Variants in ATG14 observed in about 807,000 individuals in gnomAD.
ATG14 encodes the protein beclin 1-associated autophagy-related key regulator.
ATG14 carries 35 observed loss-of-function variants against 60.4 expected under a neutral mutation model. That is an observed-to-expected ratio of 0.58 (90% CI 0.44 to 0.77). The LOEUF (loss-of-function observed/expected upper bound fraction) is 0.77, where lower values mean the gene tolerates loss of function less well. ATG14 is among the 30% of genes least tolerant of loss of function. The pLI, the probability that ATG14 is intolerant of heterozygous loss-of-function variation, is 0.00. For synonymous variants in ATG14, 234 were observed against 228.8 expected, an observed-to-expected ratio of 1.02 and a Z score of -0.21; for missense variants, 647 against 626.3, an observed-to-expected ratio of 1.03 and a Z score of -0.35.
chr14:55,401,924 C>T (rs531049189), intron 1 of ATG14, among the ~76,000 whole-genome samples: 55 of 152,298 alleles, frequency 3.6e-4, no homozygotes, highest in African/African-American at 1.2e-3. Context: ...CATTTCAACA[C>T]GCCAAGTGGG....
At chr14:55,390,802 GC>G (rs1885201958) in intron 4 of ATG14, 108 bp downstream of exon 4, 1 of 713,020 alleles carries the variant, frequency 1.4e-6, no homozygotes, top group South Asian at 1.8e-5. Context: ...TCTCCAAGTT[GC>G]CACTGCCCCA....
At position 55,368,497 on chromosome 14, in the gene ATG14, G is replaced by C. The variant is rs1884735427; in HGVS notation, c.*1122C>G. The C allele has an allele frequency of 6.6e-6, 1 of 152,528 alleles. No homozygotes were observed. The highest frequency in any genetic ancestry group is 1.5e-5 in the Non-Finnish European group (1 of 68,298). The allele number at this position is 152,528 out of a possible 1,614,324, so 9.4% of individuals were successfully genotyped here. ...GGCCTCCTAAAGTGCTGGGATTACAGGCGTGAGCCACTGCGCCTGGCTGGG... is the reference window on the plus strand; with the variant it reads ...GGCCTCCTAAAGTGCTGGGATTACACGCGTGAGCCACTGCGCCTGGCTGGG... On this transcript the variant is annotated 3_prime_UTR_variant, in exon 10 of 10. Coordinates refer to ENST00000247178, the MANE Select transcript of ATG14 (RefSeq NM_014924.5).
At position 55,405,120 on chromosome 14, in the gene ATG14, T is replaced by A. The variant is rs113990779; in HGVS notation, c.221+6482A>T. Among the ~76,000 whole-genome samples the A allele has an allele frequency of 1.2e-3, 187 of 152,260 alleles. 1 individual carries two copies. Among genetic ancestry groups the A allele is most frequent in the African/African-American group, 4.3e-3 (180 of 41,544 alleles). ...CCCTCTGAAGGACACAGTGAAACAG[T>A]CGTAAGGCTGATGAACTCTTGTCTA... is the stretch of plus-strand genomic sequence containing the variant. On this transcript the variant is annotated intron_variant, in intron 1 of 9. Transcript: ENST00000247178.
chr14:55,393,423 T>C (rs1885258323), intron 3 of ATG14, among the ~76,000 whole-genome samples: 1 of 151,958 alleles, frequency 6.6e-6, no homozygotes, highest in Non-Finnish European at 1.5e-5. Context: ...ATGAATAATG[T>C]TTACTGTTGT....
At chr14:55,377,772 C>G in intron 9 of ATG14, 47 bp downstream of exon 9, 2 of 1,391,920 alleles carry the variant, frequency 1.4e-6, no homozygotes, top group South Asian at 1.4e-5. Flanking sequence ...ACTCCTCTAA[C>G]AGGATTCACA....
intron 1 of ATG14, among the ~76,000 whole-genome samples, chr14:55,402,926 A>AATATATATATATATATATATATAT (rs71131262): frequency 6.1e-5 from 1 of 16,398 alleles, no homozygotes; most frequent in African/African-American, 2.6e-4. Context: ...AAAAAAAAAA[A>AATATATATATATATATATATATAT]ATATATATAT....
intron 1 of ATG14, among the ~76,000 whole-genome samples, chr14:55,409,561 TA>T (rs35648229): frequency 0.25 from 36,569 of 146,894 alleles, 4,505 homozygotes; most frequent in South Asian, 0.28. Flanking sequence ...AGCAGGCACC[TA>T]AAAAAAAAAA....
Position 55,382,162 on chromosome 14 carries a change from T to A in ATG14, c.677A>T (p.Asp226Val). ...RDPADVSSESDSAMTSSTVSK... is the reference protein window; with the variant it reads ...RDPADVSSESVSAMTSSTVSK... The stretch of plus-strand genomic sequence containing the variant: ...CACAGTGCTGGAGGTCATGGCACTG[T>A]CACTCTCTGAAGACACATCTGCGGG... The change falls in exon 6 of 10, where the codon GAC becomes GTC. Residue 226 changes from aspartate to valine, a missense_variant. Asp to Val is a radical substitution (Grantham distance 152). Coordinates refer to ENST00000247178, the MANE Select transcript of ATG14 (RefSeq NM_014924.5). The A allele has an allele frequency of 2.5e-6, 4 of 1,614,146 alleles. No individual in the cohort carries two copies. The highest frequency in any genetic ancestry group is 3.4e-6 in the Non-Finnish European group (4 of 1,180,036).
chr14:55,390,392 T>G (rs118044538), intron 4 of ATG14, among the ~76,000 whole-genome samples: 8,829 of 150,768 alleles, frequency 0.059, 323 homozygotes, highest in South Asian at 0.09. Flanking sequence ...TTTTTTCTTT[T>G]GAGACAGAGT....
rs199628554 is a variant in ATG14, at chr14:55,369,827, A to C, written c.1271T>G (p.Val424Gly). Reference protein sequence around the residue: ...GESDESGDERVSDEETDLGTD... With the variant: ...GESDESGDERGSDEETDLGTD... ...GCCCAGGTCGGTTTCTTCATCGCTG[A>C]CGCGCTCATCTCCGCTCTCATCTGA... is the stretch of plus-strand genomic sequence containing the variant. Residue 424 changes from valine (V) to glycine (G), a missense_variant, in exon 10 of 10, where the codon GTC (valine) becomes GGC (glycine). Val to Gly is a moderately radical substitution (Grantham distance 109). Coordinates refer to ENST00000247178, the MANE Select transcript of ATG14 (RefSeq NM_014924.5). 1.9e-5 allele frequency: 31 copies of C among 1,614,216 alleles called. No homozygotes were observed. In the East Asian group the frequency reaches 2.2e-4, roughly 12 times the overall value.
chr14:55,411,425 C>T (rs973152187), intron 1 of ATG14, among the ~76,000 whole-genome samples, 177 bp downstream of exon 1: 1 of 152,198 alleles, frequency 6.6e-6, no homozygotes, highest in Non-Finnish European at 1.5e-5. Context: ...TCATCTGGCC[C>T]CTACGCTGTC....
At position 55,391,010 on chromosome 14, in the gene ATG14, T is replaced by TA. The variant is rs1183110064; in HGVS notation, c.328-19dup. On this transcript the variant is annotated intron_variant, in intron 3 of 9. Coordinates refer to ENST00000247178, the MANE Select transcript of ATG14 (RefSeq NM_014924.5). ...TTCCATCTCTGAAAAAAGCATGTAA[T>TA]AAATATCACAAACGTTGGTCTCTTA... 1 of 1,573,814 alleles carries TA rather than the reference T, an allele frequency of 6.4e-7. No homozygotes were observed. The highest frequency in any genetic ancestry group is 8.7e-7 in the Non-Finnish European group (1 of 1,149,192).
intron 1 of ATG14, among the ~76,000 whole-genome samples, chr14:55,410,920 G>GCTTT (rs56791236): frequency 6.6e-6 from 1 of 151,974 alleles, no homozygotes; most frequent in East Asian, 1.9e-4. Flanking sequence ...AGAACTTGTA[G>GCTTT]CTGTTTAGAT....
chr14:55,405,888 G>A (rs1269535134), intron 1 of ATG14, among the ~76,000 whole-genome samples: 1 of 151,734 alleles, frequency 6.6e-6, no homozygotes, highest in Non-Finnish European at 1.5e-5. Flanking sequence ...GGGTGGGGTG[G>A]CGGGGGGGGC....
At chr14:55,371,307 G>A (rs1232130559) in intron 9 of ATG14, among the ~76,000 whole-genome samples, 1 of 152,132 alleles carries the variant, frequency 6.6e-6, no homozygotes, top group Non-Finnish European at 1.5e-5. Context: ...GGCTTCCAAC[G>A]CACCTCACCA....
intron 9 of ATG14, among the ~76,000 whole-genome samples, chr14:55,373,625 A>G (rs1884864049): frequency 1.3e-5 from 2 of 152,118 alleles, no homozygotes; most frequent in South Asian, 4.2e-4. Context: ...ACGCCCAGAT[A>G]ATTTCAGTAC....
In ATG14 at chr14:55,369,617, C is replaced by T. The variant is rs576205797; in HGVS notation, c.*2G>A. 49 of 1,511,432 alleles carry T rather than the reference C, an allele frequency of 3.2e-5. No individual in the cohort carries two copies. In the South Asian group the frequency reaches 5.9e-4, roughly 18 times the overall value. The allele number at this position is 1,511,432 out of a possible 1,614,324, so 93.6% of individuals were successfully genotyped here. A position where few individuals can be genotyped will look rare whatever the true frequency, so the allele number is the denominator to read the frequency against. On this transcript the variant is annotated 3_prime_UTR_variant, in exon 10 of 10. Transcript: ENST00000247178. Reference sequence around the variant, plus strand: ...GATTTGGTATGTTTTGGTCCATGCTCGTTAACGGTGTCCAGTGTAAGCTTT... The same window carrying T: ...GATTTGGTATGTTTTGGTCCATGCTTGTTAACGGTGTCCAGTGTAAGCTTT...
chr14:55,370,264 G>A (rs949838438), intron 9 of ATG14, among the ~76,000 whole-genome samples: 4 of 152,150 alleles, frequency 2.6e-5, no homozygotes, highest in Non-Finnish European at 2.9e-5. Flanking sequence ...CAGTGTCTAC[G>A]AAGTAAATAC....
Position 55,401,691 on chromosome 14 carries a change from T to C in ATG14, c.222-4257A>G, listed in dbSNP as rs577077844. On this transcript the variant is annotated intron_variant, in intron 1 of 9. Coordinates refer to ENST00000247178, the MANE Select transcript of ATG14 (RefSeq NM_014924.5). ...AAAAGGTACTCCCTTAAACTGACTT[T>C]CCAGCAGTCCCTCTGTGATACAGAT... 2.6e-5 allele frequency among the ~76,000 whole-genome samples: 4 copies of C among 152,276 alleles called. No individual in the cohort carries two copies. In the South Asian group the frequency reaches 6.2e-4, roughly 24 times the overall value.
Sources: gnomAD v4.1 joint callset for allele counts (sites outside exome capture counted in the v4.1 genomes callset) on GRCh38, gnomAD v4.1.1 for gene constraint, MANE v1.5 for transcripts, NCBI Gene and HGNC (gene_info 2026-07-23, HGNC 2026-07-21) for gene names.